LEF1: variants seen among roughly 807,000 people sequenced by gnomAD.
LEF1 encodes lymphoid enhancer-binding factor 1.
Under a neutral mutation model 51.2 loss-of-function variants are expected in LEF1, and 14 were observed. The observed-to-expected ratio is 0.27, with a 90% CI of 0.18 to 0.43. The LOEUF is 0.43. LEF1 is among the 20% of genes least tolerant of loss of function. The pLI is 1.00. For synonymous variants in LEF1, 185 were observed against 183.2 expected (o/e 1.01, Z -0.08); for missense variants, 386 against 512.0 (o/e 0.75, Z 2.37).
chr4:108,162,913 T>C (rs1745153663), intron 3 of LEF1, among the ~76,000 whole-genome samples: 1 of 152,166 alleles, frequency 6.6e-6, no homozygotes, highest in Non-Finnish European at 1.5e-5. Context: ...TTCTTTATAA[T>C]GTTATGCATT....
chr4:108,164,689 CA>C (rs1553960955), intron 2 of LEF1, among the ~76,000 whole-genome samples: 7 of 152,106 alleles, frequency 4.6e-5, no homozygotes, highest in Non-Finnish European at 7.4e-5. Flanking sequence ...CAAGAAACAG[CA>C]ATTTTGCAAG....
intron 9 of LEF1, among the ~76,000 whole-genome samples, chr4:108,066,604 G>A (rs765030066): frequency 9.9e-5 from 15 of 152,168 alleles, no homozygotes; most frequent in African/African-American, 2.9e-4. Context: ...CGCTTCTACC[G>A]CTAAATCAAA....
At chr4:108,119,435 T>G (rs1160194043) in intron 3 of LEF1, among the ~76,000 whole-genome samples, 1 of 152,130 alleles carries the variant, frequency 6.6e-6, no homozygotes, top group Non-Finnish European at 1.5e-5. Context: ...TATTACATAT[T>G]GAACCTAATA....
In LEF1 at chr4:108,123,364, G is replaced by C. The variant is rs1003255671; in HGVS notation, c.415-34107C>G. Reference sequence around the variant, plus strand: ...TTCACTGCAGTTCCCTGGGAAGGTAGGTTTATTTCTAGTTTGCCTTTACTC... The same window carrying C: ...TTCACTGCAGTTCCCTGGGAAGGTACGTTTATTTCTAGTTTGCCTTTACTC... On this transcript the variant is annotated intron_variant, in intron 3 of 11. Transcript: ENST00000265165. Among the ~76,000 whole-genome samples, 3 of 149,998 alleles carry C rather than the reference G, an allele frequency of 2.0e-5. No individual in the cohort carries two copies. The South Asian group carries it at 6.3e-4, about 32-fold the overall frequency.
At chr4:108,144,335 C>T (rs1457454351) in intron 3 of LEF1, among the ~76,000 whole-genome samples, 1 of 152,166 alleles carries the variant, frequency 6.6e-6, no homozygotes, top group Non-Finnish European at 1.5e-5. Context: ...TGGCCCCAGG[C>T]ACATGCTAAA....
chr4:108,119,307 A>C (rs915733135), intron 3 of LEF1, among the ~76,000 whole-genome samples: 1 of 151,676 alleles, frequency 6.6e-6, no homozygotes, highest in African/African-American at 2.4e-5. Context: ...TAGAATAGAT[A>C]ATTTCTATTC....
rs925759577 is a variant in LEF1, at chr4:108,083,299, G to C, written c.638+57C>G. ...TTCATAAATCTAATTTCCATGAATGGAAAGTGGAGGAACATGTGTTCAAAT... is the reference window on the plus strand; with the variant it reads ...TTCATAAATCTAATTTCCATGAATGCAAAGTGGAGGAACATGTGTTCAAAT... On this transcript the variant is annotated intron_variant, in intron 5 of 11. Coordinates refer to ENST00000265165, the MANE Select transcript of LEF1 (RefSeq NM_016269.5). The C allele has an allele frequency of 2.2e-5, 26 of 1,159,580 alleles. No individual in the cohort carries two copies. In the African/African-American group the frequency reaches 3.5e-4, roughly 16 times the overall value. 71.8% of individuals were successfully genotyped at this position (1,159,580 alleles called of 1,614,324 possible).
intron 5 of LEF1, 39 bp from the exon 6 acceptor site, chr4:108,081,708 C>T (rs1578319911): frequency 1.4e-6 from 2 of 1,436,568 alleles, no homozygotes; most frequent in Non-Finnish European, 2.0e-6. Flanking sequence ...AATGACAAAA[C>T]ACCAGTTACC....
intron 11 of LEF1, among the ~76,000 whole-genome samples, chr4:108,055,601 C>A (rs986038012): frequency 6.6e-6 from 1 of 152,162 alleles, no homozygotes; most frequent in Non-Finnish European, 1.5e-5. Context: ...CAAAATACTT[C>A]TTTTTTATTC....
At chr4:108,157,459 C>T (rs1400614358) in intron 3 of LEF1, among the ~76,000 whole-genome samples, 1 of 152,040 alleles carries the variant, frequency 6.6e-6, no homozygotes, top group African/African-American at 2.4e-5. Flanking sequence ...CAATAGGCAA[C>T]TTTTTACAGG....
chr4:108,075,399 G>C (rs1460902932), intron 8 of LEF1: 1 of 152,110 alleles, frequency 6.6e-6, no homozygotes, highest in East Asian at 1.9e-4. Context: ...ATCGACAATA[G>C]CTAACACATG....
Position 108,081,654 on chromosome 4 carries a change from T to C in LEF1, c.654A>G (p.Val218=). The C allele has an allele frequency of 6.2e-7, 1 of 1,614,034 alleles. No homozygotes were observed. ...TPPLGWQGQP[V]YPITGGFRQP... ...GCCTGAATCCACCCGTGATGGGATA[T>C]ACAGGCTGACCTTGCCTGAGGTCAC... The change falls in exon 6 of 12, where the codon GTA becomes GTG. Residue 218 remains valine (V), a synonymous_variant. Coordinates refer to ENST00000265165, the MANE Select transcript of LEF1 (RefSeq NM_016269.5).
In LEF1 at chr4:108,048,379, G is replaced by C. The variant is rs145778210; in HGVS notation, c.*379C>G. 7.7e-3 allele frequency: 1,779 copies of C among 230,104 alleles called. 14 individuals carry two copies. Among genetic ancestry groups the C allele is most frequent in the South Asian group, 0.018 (102 of 5,562 alleles). The allele number at this position is 230,104 out of a possible 1,614,324, so 14.3% of individuals were successfully genotyped here. On this transcript the variant is annotated 3_prime_UTR_variant, in exon 12 of 12. Transcript: ENST00000265165. ...CAAATGCAGCCAAGTTACCGTCCTT[G>C]CCGAAAGGTTACAGGTTTGGATGCA...
At chr4:108,166,915 C>T (rs969826125) in intron 1 of LEF1, 2 of 710,316 alleles carry the variant, frequency 2.8e-6, no homozygotes, top group Non-Finnish European at 3.5e-6. Context: ...CAGCTGCTAG[C>T]CCAGGCGCTG....
intron 4 of LEF1, among the ~76,000 whole-genome samples, chr4:108,084,063 T>C (rs1302130619): frequency 1.3e-5 from 2 of 152,190 alleles, no homozygotes; most frequent in Non-Finnish European, 2.9e-5. Flanking sequence ...ATTAGCTGAA[T>C]TCCACAGAAA....
chr4:108,167,460 A>AGCCGGGCG lies in LEF1; in HGVS notation c.213+87_213+94dup, dbSNP rs1005256297. 1.6e-6 allele frequency: 2 copies of AGCCGGGCG among 1,271,812 alleles called. No homozygotes were observed. The highest frequency in any genetic ancestry group is 2.2e-6 in the Non-Finnish European group (2 of 893,578). The allele number at this position is 1,271,812 out of a possible 1,614,324, so 78.8% of individuals were successfully genotyped here. A position where few individuals can be genotyped will look rare whatever the true frequency, so the allele number is the denominator to read the frequency against. On this transcript the variant is annotated intron_variant, in intron 1 of 11. Transcript: ENST00000265165. The surrounding 1 kb of genome is among the most constrained non-coding windows in gnomAD (Gnocchi z 5.7). ...AACGAGGGATCTACTCGGGACCCTC[A>AGCCGGGCG]GCCGGGCGGCCGGGCGCCTTCGTTC...
intron 3 of LEF1, among the ~76,000 whole-genome samples, chr4:108,099,574 A>ATATATATATGTGTG (rs1740645591): frequency 1.2e-4 from 3 of 24,934 alleles, no homozygotes; most frequent in South Asian, 2.6e-3. Flanking sequence ...GTGTGTGTAT[A>ATATATATATGTGTG]TATATATATA....
chr4:108,121,279 C>A (rs150878128), intron 3 of LEF1, among the ~76,000 whole-genome samples: 1 of 152,270 alleles, frequency 6.6e-6, no homozygotes, highest in East Asian at 1.9e-4. Context: ...GTTTTCCCAG[C>A]ATTGTTTTCA....
Position 108,167,914 on chromosome 4 carries a change from G to T in LEF1, c.-147C>A. On this transcript the variant is annotated 5_prime_UTR_variant, in exon 1 of 12. Coordinates refer to ENST00000265165, the MANE Select transcript of LEF1 (RefSeq NM_016269.5). The surrounding 1 kb of genome is among the most constrained non-coding windows in gnomAD (Gnocchi z 5.7). Reference sequence around the variant, plus strand: ...GCGGGCGGAAGCGGGGCGGGCGAGCGCGGGGCCGCCGGCCGGCAGCCGGAG... The same window carrying T: ...GCGGGCGGAAGCGGGGCGGGCGAGCTCGGGGCCGCCGGCCGGCAGCCGGAG... 3.9e-6 allele frequency: 2 copies of T among 511,052 alleles called. No individual in the cohort carries two copies. The highest frequency in any genetic ancestry group is 6.1e-6 in the Non-Finnish European group (2 of 330,492). 31.7% of individuals were successfully genotyped at this position (511,052 alleles called of 1,614,324 possible).
Sources: gnomAD v4.1 joint callset for allele counts (sites outside exome capture counted in the v4.1 genomes callset) on GRCh38, gnomAD v4.1.1 for gene constraint, Gnocchi (gnomAD v3.1) non-coding constraint, MANE v1.5 for transcripts, NCBI Gene and HGNC (gene_info 2026-07-23, HGNC 2026-07-21) for gene names.